Variants in INTS6 observed in about 807,000 individuals in gnomAD.
INTS6 encodes the protein integrator complex subunit 6, also known as DEAD box protein.
In INTS6, 16 loss-of-function variants were observed where a neutral mutation model predicts 104.9. The observed-to-expected ratio is 0.15, with a 90% CI of 0.10 to 0.23. The LOEUF (loss-of-function observed/expected upper bound fraction) is 0.23. Ranked by LOEUF, INTS6 falls within the 10% of genes least tolerant of loss-of-function variation. The pLI, the probability that INTS6 is intolerant of heterozygous loss-of-function variation, is 1.00. For missense variants in INTS6, 584 were observed against 1,062.8 expected (o/e 0.55, Z 6.26); for synonymous variants, 324 against 358.7 (o/e 0.90, Z 1.09).
At chr13:51,354,859 G>T (rs1955455199) in intron 3 of INTS6, among the ~76,000 whole-genome samples, 1 of 152,198 alleles carries the variant, frequency 6.6e-6, no homozygotes, top group East Asian at 1.9e-4. Flanking sequence ...GAGTACAGAG[G>T]TGGGGAAGAG....
At chr13:51,413,035 T>G (rs1956716844) in intron 4 of INTS6, among the ~76,000 whole-genome samples, 1 of 152,206 alleles carries the variant, frequency 6.6e-6, no homozygotes, top group Non-Finnish European at 1.5e-5. Context: ...GAACAGCAAC[T>G]GTGTGACTAT....
intron 4 of INTS6, among the ~76,000 whole-genome samples, chr13:51,423,588 C>A (rs1180417361): frequency 6.6e-6 from 1 of 151,940 alleles, no homozygotes; most frequent in African/African-American, 2.4e-5. Flanking sequence ...GCAGTCAGCA[C>A]AGAAGTTAAT....
intron 3 of INTS6, chr13:51,450,377 G>T (rs888722856): frequency 1.0e-6 from 1 of 985,262 alleles, no homozygotes; most frequent in African/African-American, 1.7e-5. Context: ...GACTTGTGGG[G>T]GTTAAGAAAC....
intron 4 of INTS6, among the ~76,000 whole-genome samples, chr13:51,429,785 A>AATATATATATATATATATATAT: frequency 1.1e-5 from 1 of 92,354 alleles, no homozygotes; most frequent in Admixed American, 1.4e-4. Flanking sequence ...AAAAAAAAAA[A>AATATATATATATATATATATAT]ATATATATAT....
At chr13:51,354,492 A>C (rs1388228873) in intron 3 of INTS6, among the ~76,000 whole-genome samples, 3 of 152,030 alleles carry the variant, frequency 2.0e-5, no homozygotes, top group Non-Finnish European at 1.5e-5. Context: ...ACAGTGGGGC[A>C]CACCTGCAGT....
At chr13:51,427,762 A>G (rs1957010180) in intron 4 of INTS6, among the ~76,000 whole-genome samples, 1 of 152,188 alleles carries the variant, frequency 6.6e-6, no homozygotes, top group South Asian at 2.1e-4. Flanking sequence ...TCAATACACC[A>G]ATGTTTATAA....
At chr13:51,396,228 T>C (rs1387239267) in intron 4 of INTS6, among the ~76,000 whole-genome samples, 1 of 152,258 alleles carries the variant, frequency 6.6e-6, no homozygotes, top group Non-Finnish European at 1.5e-5. Context: ...TTTTAAAATA[T>C]GCTTCATTTT....
intron 2 of INTS6, 31 bp from the exon 3 acceptor site, chr13:51,451,205 T>C (rs754253676): frequency 3.3e-6 from 5 of 1,517,034 alleles, no homozygotes; most frequent in African/African-American, 2.8e-5. Context: ...TTTTTTTTTT[T>C]CATTTTTTAA....
the INTS6 span, among the ~76,000 whole-genome samples, chr13:51,334,501 T>G: frequency 1.3e-5 from 2 of 152,210 alleles, no homozygotes; most frequent in Admixed American, 6.5e-5. Context: ...GATAACTTAT[T>G]AAGTTGTTAA....
At chr13:51,435,735 A>T (rs1296756049) in intron 3 of INTS6, among the ~76,000 whole-genome samples, 1 of 152,100 alleles carries the variant, frequency 6.6e-6, no homozygotes, top group Non-Finnish European at 1.5e-5. Context: ...GGGCATAGGA[A>T]TGCTACCTTA....
chr13:51,423,520 T>C (rs968502142), intron 4 of INTS6, among the ~76,000 whole-genome samples: 1 of 152,092 alleles, frequency 6.6e-6, no homozygotes, highest in African/African-American at 2.4e-5. Flanking sequence ...TCCTCATATA[T>C]GGGGTCTAAG....
intron 3 of INTS6, among the ~76,000 whole-genome samples, chr13:51,432,500 G>A (rs111293880): frequency 4.0e-5 from 6 of 149,384 alleles, no homozygotes; most frequent in Non-Finnish European, 7.4e-5. Flanking sequence ...ATTTTTTCAT[G>A]TGTTTGAACA....
chr13:51,374,174 A>G, intron 15 of INTS6, 34 bp downstream of exon 15: 1 of 1,540,110 alleles, frequency 6.5e-7, no homozygotes, highest in Non-Finnish European at 9.0e-7. Context: ...ACCAAAAGGC[A>G]GCAAATAATG....
chr13:51,335,854 C>T, the INTS6 span: 3 of 152,178 alleles, frequency 2.0e-5, no homozygotes, highest in Admixed American at 6.5e-5. Flanking sequence ...TAACGAAATA[C>T]ATAACATAAA....
At chr13:51,427,187 T>A (rs935029943) in intron 4 of INTS6, among the ~76,000 whole-genome samples, 2 of 152,154 alleles carry the variant, frequency 1.3e-5, no homozygotes, top group South Asian at 4.1e-4. Flanking sequence ...TAATAGGTCA[T>A]ACCAACACCA....
At chr13:51,436,058 A>G (rs1198613871) in intron 3 of INTS6, among the ~76,000 whole-genome samples, 1 of 152,068 alleles carries the variant, frequency 6.6e-6, no homozygotes, top group African/African-American at 2.4e-5. Flanking sequence ...GAGTCTTTTG[A>G]TGTCAAACTC....
intron 3 of INTS6, chr13:51,437,584 C>G (rs1315931916): frequency 6.6e-6 from 1 of 152,016 alleles, no homozygotes; most frequent in Non-Finnish European, 1.5e-5. Context: ...TGTTTCAGAT[C>G]AGGAAAGTTA....
chr13:51,383,007 G>A (rs1032903622), intron 9 of INTS6, among the ~76,000 whole-genome samples: 1 of 152,148 alleles, frequency 6.6e-6, no homozygotes, highest in Non-Finnish European at 1.5e-5. Flanking sequence ...CTTGAACCTG[G>A]GAGACGGAGG....
At chr13:51,360,527 TTAA>T (rs1031505746), downstream of INTS6, among the ~76,000 whole-genome samples, 259 of 152,202 alleles carry the variant, frequency 1.7e-3, 2 homozygotes, top group African/African-American at 6.0e-3. Flanking sequence ...TTAAAAATGG[TTAA>T]TGATTAGCTT....
Sources: gnomAD v4.1 joint callset for allele counts (sites outside exome capture counted in the v4.1 genomes callset) on GRCh38, gnomAD v4.1.1 for gene constraint, MANE v1.5 for transcripts, NCBI Gene and HGNC (gene_info 2026-07-23, HGNC 2026-07-21) for gene names.